THRB: variants seen among roughly 807,000 people sequenced by gnomAD.
THRB encodes nuclear receptor subfamily 1 group A member 2.
A neutral mutation model predicts 47.8 loss-of-function variants in THRB; 12 were observed. The observed-to-expected ratio is 0.25, with a 90% CI of 0.16 to 0.41. THRB has a LOEUF of 0.41. Ranked by LOEUF, THRB falls within the 10% of genes least tolerant of loss-of-function variation. THRB has a pLI of 1.00. For synonymous variants in THRB, 218 were observed against 212.2 expected, an observed-to-expected ratio of 1.03 and a Z score of -0.24; for missense variants, 348 against 589.2, an observed-to-expected ratio of 0.59 and a Z score of 4.24.
At chr3:24,471,851 C>T (rs1324002778) in intron 1 of THRB, among the ~76,000 whole-genome samples, 1 of 152,168 alleles carries the variant, frequency 6.6e-6, no homozygotes. Context: ...AAAATAAAAG[C>T]CAGAAACAAT....
intron 2 of THRB, among the ~76,000 whole-genome samples, chr3:24,335,387 C>T (rs918745875): frequency 6.6e-5 from 10 of 152,192 alleles, no homozygotes; most frequent in African/African-American, 2.4e-4. Flanking sequence ...TCTTCAGAAA[C>T]TCTGCGTAAT....
chr3:24,410,475 T>G (rs1185322003), intron 1 of THRB, among the ~76,000 whole-genome samples: 1 of 151,826 alleles, frequency 6.6e-6, no homozygotes, highest in Non-Finnish European at 1.5e-5. Flanking sequence ...AACACATACA[T>G]TAATATTAGG....
At chr3:24,333,008 C>T (rs751249784) in intron 2 of THRB, among the ~76,000 whole-genome samples, 8 of 152,022 alleles carry the variant, frequency 5.3e-5, no homozygotes, top group Admixed American at 6.5e-5. Context: ...TGGCGTGAAC[C>T]GGGAGGCGGA....
chr3:24,241,909 C>T (rs983228966), intron 3 of THRB, among the ~76,000 whole-genome samples: 2 of 152,092 alleles, frequency 1.3e-5, no homozygotes, highest in African/African-American at 4.8e-5. Flanking sequence ...TTGGTGCACT[C>T]CCCTGCCCAT....
chr3:24,378,463 C>T (rs957477024), intron 1 of THRB, among the ~76,000 whole-genome samples: 2 of 152,128 alleles, frequency 1.3e-5, no homozygotes, highest in South Asian at 4.1e-4. Context: ...TGTTACCTAT[C>T]TCTTAGCCTT....
intron 2 of THRB, among the ~76,000 whole-genome samples, chr3:24,318,860 AC>A (rs781110105): frequency 9.8e-4 from 149 of 152,346 alleles, no homozygotes; most frequent in Non-Finnish European, 1.6e-3. Context: ...AGATGATTGT[AC>A]AATTACACAT....
intron 3 of THRB, among the ~76,000 whole-genome samples, chr3:24,255,887 C>T (rs141259792): frequency 6.6e-5 from 10 of 152,260 alleles, no homozygotes; most frequent in Non-Finnish European, 7.4e-5. Flanking sequence ...TTTCAAAAAC[C>T]ACTGTATCCA....
At chr3:24,423,519 A>G (rs908013556) in intron 1 of THRB, among the ~76,000 whole-genome samples, 1 of 151,746 alleles carries the variant, frequency 6.6e-6, no homozygotes, top group African/African-American at 2.4e-5. Flanking sequence ...TTGAAACACA[A>G]CTTGTTCAGA....
chr3:24,408,969 G>C (rs1382289633), intron 1 of THRB, among the ~76,000 whole-genome samples: 1 of 149,480 alleles, frequency 6.7e-6, no homozygotes, highest in African/African-American at 2.4e-5. Flanking sequence ...TTTTGATGGT[G>C]GCAGTTGAAA....
At chr3:24,277,528 T>A (rs1171092108) in intron 3 of THRB, among the ~76,000 whole-genome samples, 1 of 152,182 alleles carries the variant, frequency 6.6e-6, no homozygotes, top group Non-Finnish European at 1.5e-5. Context: ...GTGATGCTGA[T>A]GCTGCTGGTT....
chr3:24,400,058 A>C (rs4309672), intron 1 of THRB, among the ~76,000 whole-genome samples: 72,045 of 151,972 alleles, frequency 0.47, 17,312 homozygotes, highest in Admixed American at 0.51. Flanking sequence ...TGACGGCTTC[A>C]AACACTGAAG....
chr3:24,451,289 A>C (rs144138387), intron 1 of THRB, among the ~76,000 whole-genome samples: 2,825 of 137,242 alleles, frequency 0.021, 111 homozygotes, highest in East Asian at 0.18. Context: ...GCTGGAGTGC[A>C]GTGGCGCGAT....
chr3:24,275,421 C>G (rs1441535237), intron 3 of THRB, among the ~76,000 whole-genome samples: 2 of 152,176 alleles, frequency 1.3e-5, no homozygotes, highest in African/African-American at 4.8e-5. Flanking sequence ...TAAAAATTCT[C>G]TGCTTTGAGG....
intron 3 of THRB, among the ~76,000 whole-genome samples, chr3:24,292,669 A>G (rs565505075): frequency 1.3e-5 from 2 of 152,196 alleles, no homozygotes; most frequent in African/African-American, 4.8e-5. Context: ...GTGGACTCTC[A>G]ATAAATCTTG....
chr3:24,390,671 T>A (rs1437067554), intron 1 of THRB, among the ~76,000 whole-genome samples: 1 of 151,826 alleles, frequency 6.6e-6, no homozygotes, highest in Non-Finnish European at 1.5e-5. Flanking sequence ...AGGTTCAAGG[T>A]TCAAAGAAAT....
intron 4 of THRB, among the ~76,000 whole-genome samples, chr3:24,207,703 C>T (rs951037380): frequency 1.3e-5 from 2 of 152,040 alleles, no homozygotes; most frequent in African/African-American, 4.8e-5. Flanking sequence ...CAGCTGCACT[C>T]TGCCAGCTAT....
At chr3:24,301,137 T>C (rs1004897025) in intron 2 of THRB, among the ~76,000 whole-genome samples, 25 of 152,150 alleles carry the variant, frequency 1.6e-4, no homozygotes, top group Non-Finnish European at 3.1e-4. Flanking sequence ...CTGGAAGAGA[T>C]AGGGAGGGAT....
rs2068909198 is a variant in THRB, at chr3:24,418,128, GC to G, written c.-261+76523del. Among the ~76,000 whole-genome samples, 3 of 151,234 alleles carry G rather than the reference GC, an allele frequency of 2.0e-5. No homozygotes were observed. In the South Asian group the frequency reaches 6.2e-4, roughly 31 times the overall value. On this transcript the variant is annotated intron_variant, in intron 1 of 10. Coordinates refer to ENST00000646209, the MANE Select transcript of THRB (RefSeq NM_001354712.2). ...AATTATCTCCCAGAAGATGACCCTTGCTTAAAGTCGATTCTACCTTTCAACC... is the reference window on the plus strand; with the variant it reads ...AATTATCTCCCAGAAGATGACCCTTGTTAAAGTCGATTCTACCTTTCAACC...
chr3:24,194,366 G>T (rs1040643156), intron 4 of THRB, among the ~76,000 whole-genome samples: 1 of 151,884 alleles, frequency 6.6e-6, no homozygotes, highest in Non-Finnish European at 1.5e-5. Flanking sequence ...TTTAAAAAAC[G>T]AGCATTCTAG....
Sources: allele counts gnomAD v4.1 joint callset (sites outside exome capture counted in the v4.1 genomes callset), GRCh38; gene constraint gnomAD v4.1.1; transcripts MANE v1.5; gene names NCBI Gene and HGNC (gene_info 2026-07-23, HGNC 2026-07-21).